The following XKR6 variants were observed in gnomAD, a reference collection of about 807,000 sequenced individuals.
XKR6 encodes the protein XK-related protein 6.
In XKR6, 22 loss-of-function variants were observed where a neutral mutation model predicts 56.7. The ratio of observed to expected loss-of-function variants is 0.39; its 90% CI spans 0.28 to 0.55. The LOEUF is 0.55. Among genes scored for constraint, XKR6 ranks in the 20% least tolerant of loss-of-function variants. The pLI is 0.66. For missense variants in XKR6, 852 were observed against 889.0 expected (o/e 0.96, Z 0.53); for synonymous variants, 524 against 387.8 (o/e 1.35, Z -4.13).
At chr8:11,171,782 G>A (rs1035054943) in intron 1 of XKR6, among the ~76,000 whole-genome samples, 1 of 152,142 alleles carries the variant, frequency 6.6e-6, no homozygotes, top group Non-Finnish European at 1.5e-5. Context: ...GCCAGGTGCA[G>A]TGACTCACGC....
chr8:11,163,890 T>C (rs1356095151), intron 1 of XKR6, among the ~76,000 whole-genome samples: 2 of 152,180 alleles, frequency 1.3e-5, no homozygotes, highest in Non-Finnish European at 2.9e-5. Flanking sequence ...CTGTGGTCCC[T>C]GCCCCAGCCC....
chr8:11,000,559 C>T (rs190638437), intron 1 of XKR6, among the ~76,000 whole-genome samples: 4 of 152,128 alleles, frequency 2.6e-5, no homozygotes, highest in Non-Finnish European at 5.9e-5. Flanking sequence ...GTGGCACACG[C>T]CTGTAGTCCC....
intron 1 of XKR6, among the ~76,000 whole-genome samples, chr8:11,103,379 C>A (rs183430430): frequency 6.6e-6 from 1 of 152,186 alleles, no homozygotes; most frequent in Non-Finnish European, 1.5e-5. Flanking sequence ...CAGAGACCAG[C>A]TGAATCAGGC....
At chr8:11,185,343 T>C (rs1425512706) in intron 1 of XKR6, among the ~76,000 whole-genome samples, 1 of 152,336 alleles carries the variant, frequency 6.6e-6, no homozygotes. Context: ...GGTGGTGTTT[T>C]TGTGAACAGA....
chr8:11,154,291 C>T (rs780871771), intron 1 of XKR6, among the ~76,000 whole-genome samples: 5 of 152,196 alleles, frequency 3.3e-5, no homozygotes, highest in Non-Finnish European at 7.3e-5. Flanking sequence ...TCTCAGGAAG[C>T]TCTAATAAAA....
At chr8:10,947,188 A>T (rs971686220) in intron 1 of XKR6, among the ~76,000 whole-genome samples, 1 of 152,182 alleles carries the variant, frequency 6.6e-6, no homozygotes, top group Admixed American at 6.5e-5. Context: ...CAAGGGGGAA[A>T]TCATAGCTCT....
In XKR6 at chr8:11,016,607, G is replaced by A. The variant is rs541277239; in HGVS notation, c.765-91777C>T. Among the ~76,000 whole-genome samples the A allele has an allele frequency of 3.2e-3, 483 of 152,286 alleles. 5 individuals are homozygous for A. Among genetic ancestry groups the A allele is most frequent in the African/African-American group, 0.011 (457 of 41,568 alleles). On this transcript the variant is annotated intron_variant, in intron 1 of 2. Transcript: ENST00000416569. The stretch of plus-strand genomic sequence containing the variant: ...GCCGCCCTCCGGCTGGCTGCAGCGC[G>A]GGCCCTCGGTAGGGGGCGTTCCAAG...
chr8:11,121,839 G>A (rs564665716), intron 1 of XKR6, among the ~76,000 whole-genome samples: 2 of 152,278 alleles, frequency 1.3e-5, no homozygotes, highest in East Asian at 1.9e-4. Context: ...TATACACAAT[G>A]GAATACTATG....
chr8:11,122,226 C>T (rs563091327), intron 1 of XKR6, among the ~76,000 whole-genome samples: 1 of 152,240 alleles, frequency 6.6e-6, no homozygotes, highest in Non-Finnish European at 1.5e-5. Flanking sequence ...CTATTACAGA[C>T]AGAAGACATG....
chr8:11,030,184 C>T (rs1798959655), intron 1 of XKR6, among the ~76,000 whole-genome samples: 1 of 152,198 alleles, frequency 6.6e-6, no homozygotes, highest in African/African-American at 2.4e-5. Flanking sequence ...CCGAGTTGGG[C>T]TCATTTCCAC....
In XKR6 at chr8:11,011,465, T is replaced by A. The variant is rs147717783; in HGVS notation, c.765-86635A>T. Among the ~76,000 whole-genome samples, 276 of 152,350 alleles carry A rather than the reference T, an allele frequency of 1.8e-3. 1 individual carries two copies. Among genetic ancestry groups the A allele is most frequent in the African/African-American group, 6.3e-3 (263 of 41,582 alleles). ...AGGGTCCTGAACATTTTCCTTCATT[T>A]TTTATTTGTTCATTCATTCATTCAA... On this transcript the variant is annotated intron_variant, in intron 1 of 2. Coordinates refer to ENST00000416569, the MANE Select transcript of XKR6 (RefSeq NM_173683.4).
chr8:11,037,857 CAAAAAAAA>C (rs61377795), intron 1 of XKR6, among the ~76,000 whole-genome samples: 4 of 100,746 alleles, frequency 4.0e-5, no homozygotes, highest in African/African-American at 9.9e-5. Flanking sequence ...GACTTGGTTT[CAAAAAAAA>C]AAAAAAAAAA....
At chr8:10,989,879 C>A (rs78223884) in intron 1 of XKR6, among the ~76,000 whole-genome samples, 4,505 of 152,334 alleles carry the variant, frequency 0.03, 99 homozygotes, top group Non-Finnish European at 0.047. Flanking sequence ...CCATACTAAT[C>A]TGTCACTTCT....
chr8:10,988,120 C>A (rs190386830), intron 1 of XKR6, among the ~76,000 whole-genome samples: 1 of 152,246 alleles, frequency 6.6e-6, no homozygotes, highest in Non-Finnish European at 1.5e-5. Context: ...CAACCACCTG[C>A]CAACTTCATA....
Position 11,200,825 on chromosome 8 carries a change from G to T in XKR6, c.515C>A (p.Pro172Gln). 6.2e-7 allele frequency: 1 copy of T among 1,611,844 alleles called. No individual in the cohort carries two copies. Among genetic ancestry groups the T allele is most frequent in the Non-Finnish European group, 8.5e-7 (1 of 1,179,466 alleles). ...FGLTLFFVLVPSLLVQSLSFR... is the reference protein window; with the variant it reads ...FGLTLFFVLVQSLLVQSLSFR... ...GCTCAGGCTCTGCACCAGCAGCGAC[G>T]GCACCAGCACGAAGAAGAGGGTCAG... Residue 172 changes from proline to glutamine, a missense_variant, in exon 1 of 3, where the codon CCG becomes CAG. Physicochemically the swap from Pro to Gln is moderately conservative, Grantham distance 76. Transcript: ENST00000416569. The surrounding 1 kb of genome is among the most constrained non-coding windows in gnomAD (Gnocchi z 6.4).
intron 1 of XKR6, among the ~76,000 whole-genome samples, chr8:11,101,095 G>C (rs79944200): frequency 0.066 from 10,099 of 152,266 alleles, 536 homozygotes; most frequent in African/African-American, 0.14. Flanking sequence ...CAATGCTCAC[G>C]GGTAGTATTT....
At chr8:10,944,512 C>A (rs11777034) in intron 1 of XKR6, among the ~76,000 whole-genome samples, 5 of 152,058 alleles carry the variant, frequency 3.3e-5, no homozygotes, top group Non-Finnish European at 7.3e-5. Flanking sequence ...TGCCCCACAC[C>A]CACACACAAA....
chr8:11,042,884 G>A (rs1799319913), intron 1 of XKR6, among the ~76,000 whole-genome samples: 1 of 152,186 alleles, frequency 6.6e-6, no homozygotes, highest in African/African-American at 2.4e-5. Context: ...TAGCACTTAG[G>A]CCCAGAAGAG....
intron 1 of XKR6, among the ~76,000 whole-genome samples, chr8:11,175,764 A>G (rs1387773913): frequency 6.6e-6 from 1 of 152,144 alleles, no homozygotes; most frequent in Admixed American, 6.6e-5. Context: ...TCCTTCTCCT[A>G]CTAGCCCAGT....
Sources: gnomAD v4.1 joint callset for allele counts (sites outside exome capture counted in the v4.1 genomes callset) on GRCh38, gnomAD v4.1.1 for gene constraint, Gnocchi (gnomAD v3.1) non-coding constraint, MANE v1.5 for transcripts, NCBI Gene and HGNC (gene_info 2026-07-23, HGNC 2026-07-21) for gene names.